The following NLGN4Y variants were observed in gnomAD, a reference collection of about 807,000 sequenced individuals.
NLGN4Y encodes the protein neuroligin-4, Y-linked.
In NLGN4Y, 4 loss-of-function variants were observed where a neutral mutation model predicts 8.4. The ratio of observed to expected loss-of-function variants is 0.48; its 90% CI spans 0.23 to 1.09. The LOEUF is 1.09. Ranked by LOEUF, NLGN4Y falls within the 50% of genes least tolerant of loss-of-function variation. The pLI is 0.19. For synonymous variants in NLGN4Y, 35 were observed against 75.6 expected, an observed-to-expected ratio of 0.46 and a Z score of 2.78; for missense variants, 90 against 192.3, an observed-to-expected ratio of 0.47 and a Z score of 3.15.
chrY:14,755,770 A>G, intron 4 of NLGN4Y, among the ~76,000 whole-genome samples: 1 of 33,652 alleles, frequency 3.0e-5, no homozygotes, highest in African/African-American at 1.2e-4. Context: ...AGCCCATGAG[A>G]TTGAGGTTGT....
At chrY:14,733,964 C>T (rs750300531) in intron 4 of NLGN4Y, among the ~76,000 whole-genome samples, 1 of 33,304 alleles carries the variant, frequency 3.0e-5, no homozygotes, top group East Asian at 7.9e-4. Context: ...ATGTTAACAG[C>T]TCAGTGGTGG....
chrY:14,670,596 A>T, intron 2 of NLGN4Y, among the ~76,000 whole-genome samples: 1 of 33,396 alleles, frequency 3.0e-5, no homozygotes, highest in Admixed American at 2.7e-4. Flanking sequence ...CTCTGGAAGC[A>T]CTTTTGCTTC....
intron 2 of NLGN4Y, among the ~76,000 whole-genome samples, chrY:14,704,721 G>A (rs754069482): frequency 3.0e-5 from 1 of 33,244 alleles, no homozygotes; most frequent in African/African-American, 1.2e-4. Context: ...GATTGGAATA[G>A]TTTCAGAAGG....
intron 2 of NLGN4Y, among the ~76,000 whole-genome samples, chrY:14,650,629 AT>A (rs2080626470): frequency 3.1e-5 from 1 of 32,037 alleles, no homozygotes; most frequent in Non-Finnish European, 7.7e-5. Context: ...TAGGGATCTC[AT>A]TTTTTTTTCC....
intron 2 of NLGN4Y, among the ~76,000 whole-genome samples, chrY:14,631,576 A>T (rs2080549350): frequency 2.9e-5 from 1 of 34,407 alleles, no homozygotes. Context: ...CCACAGATAC[A>T]CTATTTTGAC....
At chrY:14,832,573 G>C in intron 6 of NLGN4Y, among the ~76,000 whole-genome samples, 1 of 34,054 alleles carries the variant, frequency 2.9e-5, no homozygotes, top group East Asian at 7.9e-4. Context: ...AGCACTTTGG[G>C]AGGCCAAGGC....
intron 2 of NLGN4Y, among the ~76,000 whole-genome samples, chrY:14,655,447 T>G (rs762284624): frequency 3.1e-5 from 1 of 31,926 alleles, no homozygotes; most frequent in African/African-American, 1.2e-4. Context: ...TTTTCCTCCA[T>G]TTTTCATCCC....
intron 2 of NLGN4Y, among the ~76,000 whole-genome samples, chrY:14,707,282 C>G (rs2080885372): frequency 3.7e-5 from 1 of 27,158 alleles, no homozygotes; most frequent in African/African-American, 1.5e-4. Context: ...TATCCGCCAC[C>G]TAGGTGCTAG....
chrY:14,840,378 T>C, intron 6 of NLGN4Y, 35 bp from the exon 7 acceptor site: 2 of 394,044 alleles, frequency 5.1e-6, no homozygotes, highest in Non-Finnish European at 3.6e-6. Context: ...TGTGGAAGAA[T>C]ATGACCTTTC....
intron 4 of NLGN4Y, among the ~76,000 whole-genome samples, chrY:14,823,563 C>T (rs2043131446): frequency 3.0e-5 from 1 of 33,531 alleles, no homozygotes; most frequent in East Asian, 7.9e-4. Context: ...GTACCTTGAA[C>T]CTCGTAAAAT....
chrY:14,694,368 C>T (rs2080821148), intron 2 of NLGN4Y, among the ~76,000 whole-genome samples: 1 of 33,685 alleles, frequency 3.0e-5, no homozygotes. Context: ...GTTTTAAAAA[C>T]GCTGCTAGAA....
chrY:14,551,260 C>A, intron 1 of NLGN4Y, among the ~76,000 whole-genome samples: 1 of 32,900 alleles, frequency 3.0e-5, no homozygotes, highest in Non-Finnish European at 7.5e-5. Context: ...ATATATGCGC[C>A]CAACATAGGA....
chrY:14,612,318 G>A, intron 1 of NLGN4Y, among the ~76,000 whole-genome samples: 3 of 33,561 alleles, frequency 8.9e-5, no homozygotes, highest in African/African-American at 3.5e-4. Flanking sequence ...TCTCTGTTCG[G>A]TTTTGTTCTC....
At chrY:14,636,755 G>T (rs769374898) in intron 2 of NLGN4Y, among the ~76,000 whole-genome samples, 266 of 32,891 alleles carry the variant, frequency 8.1e-3, no homozygotes, top group African/African-American at 0.029. Flanking sequence ...CTTCCAAGTA[G>T]AAGGAGCTTT....
chrY:14,824,975 T>C, intron 5 of NLGN4Y, among the ~76,000 whole-genome samples: 1 of 34,111 alleles, frequency 2.9e-5, no homozygotes, highest in African/African-American at 1.1e-4. Context: ...GTAAGAGTAA[T>C]ATGGAAGAGA....
At chrY:14,614,422 C>A in intron 1 of NLGN4Y, among the ~76,000 whole-genome samples, 1 of 32,874 alleles carries the variant, frequency 3.0e-5, no homozygotes, top group Non-Finnish European at 7.5e-5. Context: ...TTTTGCCATG[C>A]AGAAGCTCTT....
At chrY:14,575,661 A>T (rs2080294988) in intron 1 of NLGN4Y, among the ~76,000 whole-genome samples, 1 of 32,679 alleles carries the variant, frequency 3.1e-5, no homozygotes, top group Non-Finnish European at 7.5e-5. Context: ...GAGGAGAGGC[A>T]CTCTGATTTT....
rs2043028246 is a variant in NLGN4Y at position 14,800,996 on chromosome Y, G to A, written c.686-23192G>A. On this transcript the variant is annotated intron_variant, in intron 4 of 6. Coordinates refer to ENST00000684976, the MANE Select transcript of NLGN4Y (RefSeq NM_001365588.1). Reference sequence around the variant, plus strand: ...CATGATACCCAGAATAAAACTCACTGTTAATATTACTAGGCAATGATCACA... The same window carrying A: ...CATGATACCCAGAATAAAACTCACTATTAATATTACTAGGCAATGATCACA... 1.2e-4 allele frequency among the ~76,000 whole-genome samples: 4 copies of A among 32,340 alleles called. No homozygotes were observed. The South Asian group carries it at 2.7e-3, about 22-fold the overall frequency. The allele number at this position is 32,340 out of a possible 37,273, so 86.8% of individuals were successfully genotyped here. A position where few individuals can be genotyped will look rare whatever the true frequency, so the allele number is the denominator to read the frequency against.
chrY:14,692,105 G>T lies in NLGN4Y; in HGVS notation c.473-27354G>T, dbSNP rs772601282. Among the ~76,000 whole-genome samples, 5 of 32,653 alleles carry T rather than the reference G, an allele frequency of 1.5e-4. No individual in the cohort carries two copies. The East Asian group carries it at 4.1e-3, about 27-fold the overall frequency. The allele number at this position is 32,653 out of a possible 37,273, so 87.6% of individuals were successfully genotyped here. A position where few individuals can be genotyped will look rare whatever the true frequency, so the allele number is the denominator to read the frequency against. ...AGATACTAAGATCTTATTAAAACTAGAACTTTGAACCTAAATGGGGATTTA... is the reference window on the plus strand; with the variant it reads ...AGATACTAAGATCTTATTAAAACTATAACTTTGAACCTAAATGGGGATTTA... On this transcript the variant is annotated intron_variant, in intron 2 of 6. Coordinates refer to ENST00000684976, the MANE Select transcript of NLGN4Y (RefSeq NM_001365588.1).
Sources: allele counts gnomAD v4.1 joint callset (sites outside exome capture counted in the v4.1 genomes callset), GRCh38; gene constraint gnomAD v4.1.1; transcripts MANE v1.5; gene names NCBI Gene and HGNC (gene_info 2026-07-23, HGNC 2026-07-21).